Variants in C17orf67 observed in about 807,000 individuals in gnomAD.
C17orf67 encodes the protein chromosome 17 open reading frame 67.
C17orf67 carries 12 observed loss-of-function variants against 11.2 expected under a neutral mutation model. That is an observed-to-expected ratio of 1.07 (90% CI 0.68 to 1.73). C17orf67 has a LOEUF of 1.73. C17orf67 is among the 40% of genes most tolerant of loss of function. The pLI is 0.00. For synonymous variants in C17orf67, 59 were observed against 46.9 expected, an observed-to-expected ratio of 1.26 and a Z score of -1.05; for missense variants, 115 against 113.5, an observed-to-expected ratio of 1.01 and a Z score of -0.06.
At chr17:56,824,078 T>C (rs1905968715) in intron 4 of C17orf67, among the ~76,000 whole-genome samples, 1 of 152,222 alleles carries the variant, frequency 6.6e-6, no homozygotes, top group Admixed American at 6.5e-5. Context: ...ACTGATGGTG[T>C]TGGGAGGTGG....
Position 56,804,515 on chromosome 17 carries a change from A to T in C17orf67, c.157-9335T>A, listed in dbSNP as rs1276431093. Reference sequence around the variant, plus strand: ...GCTGTGGGCAATTTACACCTCGGTCACTCCAAACTGGCCTTTGAGGTAATG... The same window carrying T: ...GCTGTGGGCAATTTACACCTCGGTCTCTCCAAACTGGCCTTTGAGGTAATG... On this transcript the variant is annotated intron_variant, in intron 6 of 7. Coordinates refer to ENST00000397861, the MANE Select transcript of C17orf67 (RefSeq NM_001085430.4). 2.0e-5 allele frequency among the ~76,000 whole-genome samples: 3 copies of T among 152,218 alleles called. No individual in the cohort carries two copies. In the East Asian group the frequency reaches 5.8e-4, roughly 29 times the overall value.
chr17:56,810,038 C>T (rs1156826331), intron 6 of C17orf67, among the ~76,000 whole-genome samples: 3 of 141,538 alleles, frequency 2.1e-5, no homozygotes, highest in Non-Finnish European at 3.1e-5. Context: ...CACATGCATC[C>T]CTCACACACA....
intron 6 of C17orf67, among the ~76,000 whole-genome samples, chr17:56,799,290 T>G (rs1905268206): frequency 6.6e-6 from 1 of 152,244 alleles, no homozygotes; most frequent in South Asian, 2.1e-4. Context: ...TCTATAGTTT[T>G]GCCTTTCCCA....
At chr17:56,795,226 G>T in intron 6 of C17orf67, 46 bp from the exon 7 acceptor site, 2 of 1,557,558 alleles carry the variant, frequency 1.3e-6, no homozygotes, top group South Asian at 1.1e-5. Flanking sequence ...CACAGTGACA[G>T]CCAAGGGATC....
intron 4 of C17orf67, among the ~76,000 whole-genome samples, chr17:56,818,166 A>G (rs78708634): frequency 0.064 from 9,737 of 152,150 alleles, 375 homozygotes; most frequent in Admixed American, 0.12. Flanking sequence ...TAAAAAAAAA[A>G]AAAAGAAAAA....
At chr17:56,807,903 TAATAAATAAATA>T (rs58915926) in intron 6 of C17orf67, among the ~76,000 whole-genome samples, 474 of 144,508 alleles carry the variant, frequency 3.3e-3, no homozygotes, top group Middle Eastern at 0.014. Flanking sequence ...AATAAATAAA[TAATAAATAAATA>T]AATAAATAAA....
chr17:56,808,505 T>C (rs1242324490), intron 6 of C17orf67, among the ~76,000 whole-genome samples: 1 of 152,112 alleles, frequency 6.6e-6, no homozygotes, highest in Non-Finnish European at 1.5e-5. Context: ...CTGATCTCCC[T>C]CTCCATCCCC....
chr17:56,798,759 G>A (rs1372602209), intron 6 of C17orf67, among the ~76,000 whole-genome samples: 1 of 152,186 alleles, frequency 6.6e-6, no homozygotes, highest in Non-Finnish European at 1.5e-5. Context: ...CTTGAGCCCA[G>A]GAGGTAGAGG....
intron 6 of C17orf67, among the ~76,000 whole-genome samples, chr17:56,797,066 C>T (rs905006090): frequency 1.3e-5 from 2 of 152,080 alleles, no homozygotes; most frequent in Non-Finnish European, 2.9e-5. Context: ...CAGGGAGTGG[C>T]CCTGCCCTCC....
intron 7 of C17orf67, among the ~76,000 whole-genome samples, chr17:56,794,196 C>T (rs571082510): frequency 6.6e-6 from 1 of 152,270 alleles, no homozygotes; most frequent in Admixed American, 6.5e-5. Flanking sequence ...ATTTATGTTA[C>T]ATTATAAAGA....
At chr17:56,805,831 CAT>C (rs1422910371) in intron 6 of C17orf67, among the ~76,000 whole-genome samples, 28 of 151,842 alleles carry the variant, frequency 1.8e-4, no homozygotes, top group Admixed American at 5.9e-4. Flanking sequence ...AATATGAGGA[CAT>C]GTGTATGTTA....
chr17:56,828,298 G>A (rs1906096273), intron 2 of C17orf67, among the ~76,000 whole-genome samples: 3 of 151,908 alleles, frequency 2.0e-5, no homozygotes, highest in South Asian at 2.1e-4. Context: ...CCAGCTACTC[G>A]GGAGGCTGAG....
chr17:56,797,597 A>G (rs1905237287), intron 6 of C17orf67, among the ~76,000 whole-genome samples: 1 of 152,200 alleles, frequency 6.6e-6, no homozygotes, highest in African/African-American at 2.4e-5. Flanking sequence ...GAGGAGTGGC[A>G]GGTGTGCTAC....
chr17:56,829,897 C>G (rs1317447793), intron 2 of C17orf67, among the ~76,000 whole-genome samples: 1 of 152,170 alleles, frequency 6.6e-6, no homozygotes, highest in Admixed American at 6.5e-5. Flanking sequence ...TGAACAATTT[C>G]TATTTTATCC....
At chr17:56,808,505 T>A (rs1242324490) in intron 6 of C17orf67, among the ~76,000 whole-genome samples, 1 of 152,112 alleles carries the variant, frequency 6.6e-6, no homozygotes, top group Non-Finnish European at 1.5e-5. Context: ...CTGATCTCCC[T>A]CTCCATCCCC....
intron 4 of C17orf67, among the ~76,000 whole-genome samples, chr17:56,821,038 T>C (rs370710647): frequency 2.4e-4 from 36 of 152,274 alleles, no homozygotes; most frequent in African/African-American, 7.7e-4. Flanking sequence ...GCTTCTCAAA[T>C]AGCTGGAACC....
At position 56,798,611 on chromosome 17, in the gene C17orf67, C is replaced by A. The variant is rs185984713; in HGVS notation, c.157-3431G>T. ...GGGAGGCTGAGGTGGGCAGATCACT[C>A]AAGCTCTGGAGTTCGAGACCAGCCT... On this transcript the variant is annotated intron_variant, in intron 6 of 7. Coordinates refer to ENST00000397861, the MANE Select transcript of C17orf67 (RefSeq NM_001085430.4). 5.7e-4 allele frequency among the ~76,000 whole-genome samples: 86 copies of A among 152,098 alleles called. 1 individual carries two copies. Among genetic ancestry groups the A allele is most frequent in the South Asian group, 4.4e-3 (21 of 4,818 alleles).
In C17orf67 at chr17:56,815,922, T is replaced by C; in HGVS notation, c.-112A>G. ...TTGTTTATGCTTTGACTAACGGGAC[T>C]TACGGTATGATGCTGAATGTATCTG... On this transcript the variant is annotated 5_prime_UTR_variant, in exon 5 of 8. Coordinates refer to ENST00000397861, the MANE Select transcript of C17orf67 (RefSeq NM_001085430.4). The C allele has an allele frequency of 1.3e-6, 2 of 1,577,904 alleles. No individual in the cohort carries two copies. Among genetic ancestry groups the C allele is most frequent in the Non-Finnish European group, 1.7e-6 (2 of 1,158,878 alleles).
Position 56,814,902 on chromosome 17 carries a change from T to C in C17orf67, c.123A>G (p.Pro41=), listed in dbSNP as rs759252034. The change falls in exon 6 of 8, where the codon CCA becomes CCG. Residue 41 remains proline (P), a synonymous_variant. Transcript: ENST00000397861. ...GCTCATCGGGGAATCCGGGTTTGCT[T>C]GGTCTATCCTGTCGCCGAGATCTTA... is the stretch of plus-strand genomic sequence containing the variant. ...QLLRSRRQDR[P]SKPGFPDEPM... is the part of the protein sequence containing the mutation. The C allele has an allele frequency of 2.5e-6, 4 of 1,614,082 alleles. No homozygotes were observed. Among genetic ancestry groups the C allele is most frequent in the Middle Eastern group, 1.6e-4 (1 of 6,062 alleles).
Sources: allele counts gnomAD v4.1 joint callset (sites outside exome capture counted in the v4.1 genomes callset), GRCh38; gene constraint gnomAD v4.1.1; transcripts MANE v1.5; gene names NCBI Gene and HGNC (gene_info 2026-07-23, HGNC 2026-07-21).